SLCO5A1: variants seen among roughly 807,000 people sequenced by gnomAD.
SLCO5A1 encodes the protein organic anion transporter polypeptide-related protein 4.
A neutral mutation model predicts 65.1 loss-of-function variants in SLCO5A1; 39 were observed. That is an observed-to-expected ratio of 0.60 (90% CI 0.46 to 0.78). The LOEUF is 0.78. Among genes scored for constraint, SLCO5A1 ranks in the 30% least tolerant of loss-of-function variants. SLCO5A1 has a pLI of 0.00. For synonymous variants in SLCO5A1, 438 were observed against 415.7 expected (o/e 1.05, Z -0.65); for missense variants, 1,029 against 1,069.4 (o/e 0.96, Z 0.53).
intron 2 of SLCO5A1, among the ~76,000 whole-genome samples, chr8:69,822,277 A>G (rs922795858): frequency 6.6e-6 from 1 of 152,244 alleles, no homozygotes. Flanking sequence ...GGCACACCAC[A>G]AGCCCCTCAA....
At chr8:69,775,226 C>A (rs1818510396) in intron 2 of SLCO5A1, among the ~76,000 whole-genome samples, 1 of 152,158 alleles carries the variant, frequency 6.6e-6, no homozygotes, top group African/African-American at 2.4e-5. Context: ...TTGTAATTCA[C>A]TAACTTCCTT....
chr8:69,771,931 G>C (rs1033063298), intron 2 of SLCO5A1, among the ~76,000 whole-genome samples: 1 of 152,206 alleles, frequency 6.6e-6, no homozygotes, highest in African/African-American at 2.4e-5. Flanking sequence ...TCTTTATTCA[G>C]CTCCAGCCTG....
chr8:69,771,305 G>T (rs1236070395), intron 2 of SLCO5A1, among the ~76,000 whole-genome samples: 1 of 152,132 alleles, frequency 6.6e-6, no homozygotes, highest in African/African-American at 2.4e-5. Context: ...CATTTTAAAT[G>T]TATTTTATCT....
chr8:69,822,845 G>T (rs985713636), intron 2 of SLCO5A1, among the ~76,000 whole-genome samples: 3 of 152,200 alleles, frequency 2.0e-5, no homozygotes, highest in Non-Finnish European at 2.9e-5. Flanking sequence ...CAATTTTTCT[G>T]CCTCTTTTCC....
intron 2 of SLCO5A1, among the ~76,000 whole-genome samples, chr8:69,776,808 T>C (rs1395493464): frequency 6.6e-6 from 1 of 152,230 alleles, no homozygotes; most frequent in Non-Finnish European, 1.5e-5. Flanking sequence ...ACATGAAAGA[T>C]ATTCGGCATC....
Position 69,672,591 on chromosome 8 carries a change from C to T in SLCO5A1, c.*278G>A, listed in dbSNP as rs1023660187. The T allele has an allele frequency of 7.0e-6, 3 of 429,376 alleles. No homozygotes were observed. The highest frequency in any genetic ancestry group is 3.9e-5 in the African/African-American group (2 of 50,800). The allele number at this position is 429,376 out of a possible 1,614,324, so 26.6% of individuals were successfully genotyped here. On this transcript the variant is annotated 3_prime_UTR_variant, in exon 10 of 10. Coordinates refer to ENST00000260126, the MANE Select transcript of SLCO5A1 (RefSeq NM_030958.3). ...GGTTTTGCTAACCGTGTACCTCAGC[C>T]TGTACCGTAGGGGAGCATGAGCTTT...
intron 6 of SLCO5A1, among the ~76,000 whole-genome samples, chr8:69,704,240 A>T (rs1814871789): frequency 6.6e-6 from 1 of 152,200 alleles, no homozygotes; most frequent in Non-Finnish European, 1.5e-5. Context: ...ATTTGTCAGC[A>T]GTCCATTGGT....
At position 69,669,004 on chromosome 8, in the gene SLCO5A1, T is replaced by A. The variant is rs1298682580; in HGVS notation, c.*3865A>T. 1 of 152,060 alleles carries A rather than the reference T, an allele frequency of 6.6e-6. No homozygotes were observed. Among genetic ancestry groups the A allele is most frequent in the East Asian group, 1.9e-4 (1 of 5,190 alleles). 9.4% of individuals were successfully genotyped at this position (152,060 alleles called of 1,614,324 possible). A position where few individuals can be genotyped will look rare whatever the true frequency, so the allele number is the denominator to read the frequency against. ...TCTGAAAGAGGAAAATAAAAAAAAATACACTTGAAATCCCTAAAGCTCAGA... is the reference window on the plus strand; with the variant it reads ...TCTGAAAGAGGAAAATAAAAAAAAAAACACTTGAAATCCCTAAAGCTCAGA... On this transcript the variant is annotated 3_prime_UTR_variant, in exon 10 of 10. Transcript: ENST00000260126.
chr8:69,800,245 A>ATTTTT (rs749384852), intron 2 of SLCO5A1, among the ~76,000 whole-genome samples: 4 of 81,298 alleles, frequency 4.9e-5, no homozygotes, highest in African/African-American at 1.6e-4. Context: ...AGACGCTTGA[A>ATTTTT]TTTTTTTTTT....
rs182136050 is a variant in SLCO5A1 at position 69,741,710 on chromosome 8, G to T, written c.1259-3506C>A. The stretch of plus-strand genomic sequence containing the variant: ...GTACTGAGCATAGCATCATTTCAGT[G>T]GTGTGCCTGCAAACATGCATAAATC... On this transcript the variant is annotated intron_variant, in intron 4 of 9. Coordinates refer to ENST00000260126, the MANE Select transcript of SLCO5A1 (RefSeq NM_030958.3). Among the ~76,000 whole-genome samples, 604 of 152,250 alleles carry T rather than the reference G, an allele frequency of 4.0e-3. 11 individuals carry two copies. The highest frequency in any genetic ancestry group is 0.034 in the Admixed American group (519 of 15,294).
intron 4 of SLCO5A1, among the ~76,000 whole-genome samples, chr8:69,749,913 G>T (rs1301770144): frequency 6.6e-6 from 1 of 152,110 alleles, no homozygotes; most frequent in African/African-American, 2.4e-5. Flanking sequence ...TAACAGGGTG[G>T]CTAAGGAAGG....
intron 2 of SLCO5A1, among the ~76,000 whole-genome samples, chr8:69,810,819 G>T (rs1820177758): frequency 6.6e-6 from 1 of 152,098 alleles, no homozygotes; most frequent in Non-Finnish European, 1.5e-5. Flanking sequence ...AGCAAGATTG[G>T]GTCACATTTC....
intron 9 of SLCO5A1, among the ~76,000 whole-genome samples, chr8:69,673,829 A>G (rs1813437723): frequency 1.3e-5 from 2 of 152,204 alleles, no homozygotes; most frequent in African/African-American, 4.8e-5. Context: ...AGCATCTCCT[A>G]TGAGTCAGAA....
At chr8:69,675,051 T>A (rs1813493161) in intron 9 of SLCO5A1, among the ~76,000 whole-genome samples, 1 of 149,930 alleles carries the variant, frequency 6.7e-6, no homozygotes, top group Admixed American at 6.6e-5. Context: ...AAAAAAAAAA[T>A]ACATATATAT....
chr8:69,681,634 G>C (rs1319388544), intron 7 of SLCO5A1, among the ~76,000 whole-genome samples: 1 of 152,088 alleles, frequency 6.6e-6, no homozygotes, highest in Non-Finnish European at 1.5e-5. Flanking sequence ...TTCTCCCACA[G>C]TATTACAGCC....
chr8:69,674,147 C>T (rs1813452060), intron 9 of SLCO5A1, among the ~76,000 whole-genome samples: 1 of 152,232 alleles, frequency 6.6e-6, no homozygotes, highest in Admixed American at 6.5e-5. Flanking sequence ...CATATTCTCA[C>T]TGCATTTTGG....
At chr8:69,754,791 A>G (rs1350505804) in intron 4 of SLCO5A1, among the ~76,000 whole-genome samples, 1 of 152,158 alleles carries the variant, frequency 6.6e-6, no homozygotes, top group African/African-American at 2.4e-5. Flanking sequence ...AAAAAAATAA[A>G]CCATATATCA....
At chr8:69,759,670 G>C (rs1817677241) in intron 3 of SLCO5A1, among the ~76,000 whole-genome samples, 1 of 152,078 alleles carries the variant, frequency 6.6e-6, no homozygotes, top group Non-Finnish European at 1.5e-5. Context: ...TTTTGAGATA[G>C]AGTCTCGCTC....
chr8:69,804,797 T>G (rs1472209006), intron 2 of SLCO5A1, among the ~76,000 whole-genome samples: 1 of 152,146 alleles, frequency 6.6e-6, no homozygotes, highest in Non-Finnish European at 1.5e-5. Context: ...ATGGGAATTG[T>G]GCTGAAATAA....
Sources: allele counts gnomAD v4.1 joint callset (sites outside exome capture counted in the v4.1 genomes callset), GRCh38; gene constraint gnomAD v4.1.1; transcripts MANE v1.5; gene names NCBI Gene and HGNC (gene_info 2026-07-23, HGNC 2026-07-21).